Variants in TMEM35A observed in about 807,000 individuals in gnomAD.
TMEM35A encodes nicotinic acetylcholine receptor chaperone.
For synonymous variants in TMEM35A, 50 were observed against 54.7 expected (o/e 0.91, Z 0.38); for missense variants, 83 against 132.7 (o/e 0.63, Z 1.84).
intron 1 of TMEM35A, among the ~76,000 whole-genome samples, chrX:101,088,808 G>A (rs2089314838): frequency 9.0e-6 from 1 of 110,834 alleles, no homozygotes; most frequent in South Asian, 3.8e-4. Context: ...GGGAGGCTGA[G>A]GCAGGAGAAT....
At chrX:101,093,623 T>G (rs2089330464) in intron 1 of TMEM35A, among the ~76,000 whole-genome samples, 1 of 112,159 alleles carries the variant, frequency 8.9e-6, no homozygotes, top group African/African-American at 3.2e-5. Context: ...TAAAAAAAAG[T>G]ATTAATGCTA....
chrX:101,079,193 T>A (rs2089284590), intron 1 of TMEM35A, 71 bp downstream of exon 1: 28 of 1,147,889 alleles, frequency 2.4e-5, no homozygotes, highest in Non-Finnish European at 3.0e-5. Flanking sequence ...CTTTTTTCCT[T>A]CTCAGTTTCT....
At chrX:101,092,976 T>G (rs2089328415) in intron 1 of TMEM35A, among the ~76,000 whole-genome samples, 1 of 112,732 alleles carries the variant, frequency 8.9e-6, no homozygotes, top group Non-Finnish European at 1.9e-5. Context: ...TGATTTTGTC[T>G]TACTATATTT....
At chrX:101,082,133 CTTTTTTTTT>C in intron 1 of TMEM35A, among the ~76,000 whole-genome samples, 2 of 20,471 alleles carry the variant, frequency 9.8e-5, no homozygotes, top group African/African-American at 1.7e-4. Flanking sequence ...TTCTTTCTTT[CTTTTTTTTT>C]TTTTTTTTTT....
At chrX:101,085,952 A>G (rs2089306165) in intron 1 of TMEM35A, among the ~76,000 whole-genome samples, 1 of 111,378 alleles carries the variant, frequency 9.0e-6, no homozygotes, top group Admixed American at 9.6e-5. Flanking sequence ...AAAAATAAAA[A>G]TAAATAAAAT....
intron 1 of TMEM35A, among the ~76,000 whole-genome samples, chrX:101,092,157 A>G (rs2148111401): frequency 9.0e-6 from 1 of 111,064 alleles, no homozygotes; most frequent in East Asian, 2.8e-4. Flanking sequence ...GAGGCACTTA[A>G]TAAATATTGA....
At chrX:101,087,199 G>A (rs780880235) in intron 1 of TMEM35A, among the ~76,000 whole-genome samples, 2 of 110,921 alleles carry the variant, frequency 1.8e-5, no homozygotes, top group African/African-American at 3.3e-5. Flanking sequence ...CAGGTGATCC[G>A]CCCGCCTCAG....
At chrX:101,090,619 G>A (rs1303658994) in intron 1 of TMEM35A, among the ~76,000 whole-genome samples, 1 of 110,294 alleles carries the variant, frequency 9.1e-6, no homozygotes. Context: ...ATGCCTTAGA[G>A]GTACTTCAAC....
chrX:101,083,613 A>G lies in TMEM35A; in HGVS notation c.120+4491A>G, dbSNP rs144431086. ...ATCTTTTAAGCTTCCAATCACTGCT[A>G]TTAATTGCTTTCCAACTAGGTAATA... On this transcript the variant is annotated intron_variant, in intron 1 of 1. Transcript: ENST00000372930. Among the ~76,000 whole-genome samples the G allele has an allele frequency of 6.9e-3, 769 of 112,075 alleles. 6 individuals carry two copies. The highest frequency in any genetic ancestry group is 0.024 in the African/African-American group (743 of 30,910).
chrX:101,079,227 C>G, intron 1 of TMEM35A, 105 bp downstream of exon 1: 5 of 985,467 alleles, frequency 5.1e-6, no homozygotes, highest in South Asian at 4.6e-5. Flanking sequence ...TAGCCCCTAT[C>G]CCCACCTGGA....
At position 101,095,077 on chromosome X, in the gene TMEM35A, A is replaced by C; in HGVS notation, c.*121A>C. 1 of 825,660 alleles carries C rather than the reference A, an allele frequency of 1.2e-6. No individual in the cohort carries two copies. Among genetic ancestry groups the C allele is most frequent in the Non-Finnish European group, 1.7e-6 (1 of 602,610 alleles). The allele number at this position is 825,660 out of a possible 1,213,427, so 68.0% of individuals were successfully genotyped here. On this transcript the variant is annotated 3_prime_UTR_variant, in exon 2 of 2. Transcript: ENST00000372930. ...GGGGAAAGTGAAAAATGTAATCTGC[A>C]AGTTAATGACCCTATTGGCTTGTGT...
chrX:101,081,085 T>C (rs2089290586), intron 1 of TMEM35A, among the ~76,000 whole-genome samples: 1 of 112,482 alleles, frequency 8.9e-6, no homozygotes, highest in Non-Finnish European at 1.9e-5. Context: ...GAAGATTTCA[T>C]ATCATACATA....
At chrX:101,086,346 C>G (rs1298971117) in intron 1 of TMEM35A, among the ~76,000 whole-genome samples, 1 of 111,877 alleles carries the variant, frequency 8.9e-6, no homozygotes, top group Non-Finnish European at 1.9e-5. Flanking sequence ...GTCTCGAACT[C>G]CTGACCTCAA....
intron 1 of TMEM35A, among the ~76,000 whole-genome samples, chrX:101,091,420 A>G (rs948708694): frequency 1.9e-5 from 2 of 107,014 alleles, no homozygotes; most frequent in Non-Finnish European, 3.8e-5. Flanking sequence ...CTACTATCTC[A>G]GCCTCCCAAA....
In TMEM35A at chrX:101,095,306, TGTGTGC is replaced by T. The variant is rs1159856313; in HGVS notation, c.*352_*357del. 9.1e-4 allele frequency: 91 copies of T among 100,416 alleles called. No homozygotes were observed. The highest frequency in any genetic ancestry group is 2.4e-3 in the African/African-American group (38 of 15,704). 8.3% of individuals were successfully genotyped at this position (100,416 alleles called of 1,213,427 possible). A position where few individuals can be genotyped will look rare whatever the true frequency, so the allele number is the denominator to read the frequency against. On this transcript the variant is annotated 3_prime_UTR_variant, in exon 2 of 2. Coordinates refer to ENST00000372930, the MANE Select transcript of TMEM35A (RefSeq NM_021637.3). ...ACTACTCTGTGTGTGTGTGTGTGTG[TGTGTGC>T]GCGCGCGCGCGCACGCGCACACACT...
intron 1 of TMEM35A, among the ~76,000 whole-genome samples, chrX:101,083,236 AC>A (rs1798180103): frequency 8.9e-6 from 1 of 112,045 alleles, no homozygotes; most frequent in Non-Finnish European, 1.9e-5. Flanking sequence ...AAAATGGGAG[AC>A]AGCCCTTAAA....
At chrX:101,092,918 A>G (rs960332963) in intron 1 of TMEM35A, among the ~76,000 whole-genome samples, 81 of 111,945 alleles carry the variant, frequency 7.2e-4, no homozygotes, top group Non-Finnish European at 1.1e-3. Context: ...AAGCTAGCCA[A>G]AGTAGCTTCT....
intron 1 of TMEM35A, among the ~76,000 whole-genome samples, chrX:101,082,141 T>C (rs367696350): frequency 2.1e-5 from 2 of 96,877 alleles, no homozygotes; most frequent in African/African-American, 7.6e-5. Context: ...TTCTTTTTTT[T>C]TTTTTTTTTT....
intron 1 of TMEM35A, among the ~76,000 whole-genome samples, chrX:101,079,485 T>C (rs1242719812): frequency 9.0e-6 from 1 of 111,540 alleles, no homozygotes; most frequent in African/African-American, 3.3e-5. Context: ...ATTCCCTCCC[T>C]GTGAGCTAAG....
Sources: allele counts gnomAD v4.1 joint callset (sites outside exome capture counted in the v4.1 genomes callset), GRCh38; gene constraint gnomAD v4.1.1; transcripts MANE v1.5; gene names NCBI Gene and HGNC (gene_info 2026-07-23, HGNC 2026-07-21).